The following PDE11A variants were observed in gnomAD, a reference collection of about 807,000 sequenced individuals.
PDE11A encodes the protein dual 3',5'-cyclic-AMP and -GMP phosphodiesterase 11A.
A neutral mutation model predicts 100.5 loss-of-function variants in PDE11A; 100 were observed. The observed-to-expected ratio is 1.00, with a 90% CI of 0.85 to 1.18. The LOEUF (loss-of-function observed/expected upper bound fraction) is 1.18, where lower values mean the gene tolerates loss of function less well. Ranked by LOEUF, PDE11A falls within the 50% of genes most tolerant of loss-of-function variation. The pLI is 0.00. For missense variants in PDE11A, 1,141 were observed against 1,152.6 expected (o/e 0.99, Z 0.15); for synonymous variants, 381 against 420.8 (o/e 0.91, Z 1.16).
At chr2:177,843,307 CAGA>C (rs1453160471) in intron 5 of PDE11A, among the ~76,000 whole-genome samples, 2 of 152,116 alleles carry the variant, frequency 1.3e-5, no homozygotes, top group African/African-American at 2.4e-5. Context: ...TGTTGCCTTT[CAGA>C]AGGAGTTAAT....
chr2:177,851,880 C>T (rs1405143582), intron 5 of PDE11A, among the ~76,000 whole-genome samples: 1 of 151,892 alleles, frequency 6.6e-6, no homozygotes, highest in Non-Finnish European at 1.5e-5. Context: ...AGTTATTTTT[C>T]CCATTCCTCT....
chr2:177,833,492 A>G (rs1028560908), intron 6 of PDE11A, among the ~76,000 whole-genome samples: 1 of 152,218 alleles, frequency 6.6e-6, no homozygotes, highest in African/African-American at 2.4e-5. Flanking sequence ...GCTAAAGGAA[A>G]GAGCACTGAA....
At chr2:177,930,461 G>A (rs1409762287) in intron 2 of PDE11A, among the ~76,000 whole-genome samples, 4 of 151,878 alleles carry the variant, frequency 2.6e-5, no homozygotes, top group Admixed American at 6.6e-5. Context: ...ATGATTCCCA[G>A]TATGCATCCT....
At chr2:177,794,416 A>C (rs1015629189) in intron 9 of PDE11A, among the ~76,000 whole-genome samples, 4 of 152,206 alleles carry the variant, frequency 2.6e-5, no homozygotes, top group Non-Finnish European at 5.9e-5. Flanking sequence ...AGATCACAGA[A>C]GTTTTGGAAA....
Position 177,675,442 on chromosome 2 carries a change from A to G in PDE11A, c.2487+13T>C. On this transcript the variant is annotated intron_variant, in intron 17 of 19. Transcript: ENST00000286063. ...CCCTCCTCTGCTGAGCCCTGCCATT[A>G]ATCACCACTTGCCTGTCTGGAGATC... The G allele has an allele frequency of 1.2e-6, 2 of 1,601,834 alleles. No homozygotes were observed. Among genetic ancestry groups the G allele is most frequent in the Non-Finnish European group, 1.7e-6 (2 of 1,169,258 alleles).
intron 2 of PDE11A, among the ~76,000 whole-genome samples, chr2:177,932,093 A>C (rs908745359): frequency 1.3e-5 from 2 of 152,056 alleles, no homozygotes. Context: ...GAAACACACA[A>C]TCTCTCAAGA....
At chr2:177,950,372 ATCT>A (rs1387847585) in intron 2 of PDE11A, among the ~76,000 whole-genome samples, 2 of 151,984 alleles carry the variant, frequency 1.3e-5, no homozygotes, top group African/African-American at 4.8e-5. Context: ...TATTTCTCTC[ATCT>A]TCTGCTACCT....
chr2:177,980,604 T>A (rs965333395), intron 2 of PDE11A, among the ~76,000 whole-genome samples: 10 of 150,912 alleles, frequency 6.6e-5, no homozygotes, highest in African/African-American at 2.4e-4. Context: ...TTTAGTTTTT[T>A]ATGAAGACAT....
intron 2 of PDE11A, among the ~76,000 whole-genome samples, chr2:177,928,844 C>T (rs1210210109): frequency 2.0e-5 from 3 of 151,422 alleles, no homozygotes; most frequent in Non-Finnish European, 2.9e-5. Flanking sequence ...GCCTGGGTTA[C>T]AGAGAAAGAC....
At chr2:178,010,840 C>T (rs1016185469) in intron 2 of PDE11A, among the ~76,000 whole-genome samples, 1 of 151,950 alleles carries the variant, frequency 6.6e-6, no homozygotes, top group African/African-American at 2.4e-5. Flanking sequence ...CCTTGTACAC[C>T]CAAGTAAAAG....
chr2:178,017,491 A>G (rs1437063807), intron 1 of PDE11A, among the ~76,000 whole-genome samples: 1 of 152,232 alleles, frequency 6.6e-6, no homozygotes, highest in Non-Finnish European at 1.5e-5. Context: ...CTTAAAAATA[A>G]TACTAAATAT....
intron 1 of PDE11A, among the ~76,000 whole-genome samples, chr2:178,022,441 A>G (rs748589137): frequency 2.0e-4 from 31 of 152,068 alleles, no homozygotes; most frequent in Non-Finnish European, 3.2e-4. Flanking sequence ...ATGCTCAAAA[A>G]GAAGTTTGAT....
intron 2 of PDE11A, chr2:177,997,975 A>T: frequency 8.4e-7 from 1 of 1,194,906 alleles, no homozygotes; most frequent in Non-Finnish European, 1.3e-6. Flanking sequence ...GTTAGGGAGA[A>T]CCTGCTCACA....
At chr2:177,945,876 G>T (rs1299913569) in intron 2 of PDE11A, among the ~76,000 whole-genome samples, 1 of 143,878 alleles carries the variant, frequency 7.0e-6, no homozygotes, top group African/African-American at 2.5e-5. Flanking sequence ...GGAGGGAGGT[G>T]GGGGGGTCAG....
At chr2:178,056,168 T>C (rs912913157) in intron 1 of PDE11A, among the ~76,000 whole-genome samples, 1 of 152,050 alleles carries the variant, frequency 6.6e-6, no homozygotes, top group Non-Finnish European at 1.5e-5. Context: ...CGTTAACATA[T>C]TGAGGGAGAA....
chr2:177,887,882 G>A (rs1558992438), intron 4 of PDE11A, among the ~76,000 whole-genome samples: 1 of 152,092 alleles, frequency 6.6e-6, no homozygotes, highest in Non-Finnish European at 1.5e-5. Context: ...CACTATAAAG[G>A]GAAAAGCCAG....
chr2:177,771,472 C>T (rs1178939877), intron 9 of PDE11A, among the ~76,000 whole-genome samples: 1 of 152,146 alleles, frequency 6.6e-6, no homozygotes, highest in African/African-American at 2.4e-5. Context: ...GCCACGCCTC[C>T]ACTTCCGAGC....
At chr2:177,699,543 C>T (rs1054361102) in intron 14 of PDE11A, among the ~76,000 whole-genome samples, 2 of 152,112 alleles carry the variant, frequency 1.3e-5, no homozygotes, top group African/African-American at 2.4e-5. Flanking sequence ...TGTGCCTTAA[C>T]GTTTTGGTCC....
intron 2 of PDE11A, among the ~76,000 whole-genome samples, chr2:178,012,251 A>T (rs1324007991): frequency 1.3e-5 from 2 of 152,188 alleles, no homozygotes; most frequent in Non-Finnish European, 2.9e-5. Context: ...ACTACAGAAG[A>T]GAAAAATATA....
Sources: gnomAD v4.1 joint callset for allele counts (sites outside exome capture counted in the v4.1 genomes callset) on GRCh38, gnomAD v4.1.1 for gene constraint, MANE v1.5 for transcripts, NCBI Gene and HGNC (gene_info 2026-07-23, HGNC 2026-07-21) for gene names.